Variants in ETFBKMT observed in about 807,000 individuals in gnomAD.
The protein encoded by ETFBKMT is electron transfer flavoprotein beta subunit lysine methyltransferase.
A neutral mutation model predicts 18.3 loss-of-function variants in ETFBKMT; 13 were observed. The observed-to-expected ratio is 0.71, with a 90% CI of 0.46 to 1.13. ETFBKMT has a LOEUF of 1.13. ETFBKMT is among the 50% of genes most tolerant of loss of function. ETFBKMT has a pLI of 0.00. For missense variants in ETFBKMT, 293 were observed against 306.2 expected, an observed-to-expected ratio of 0.96 and a Z score of 0.32; for synonymous variants, 84 against 107.9, an observed-to-expected ratio of 0.78 and a Z score of 1.37.
At chr12:31,653,036 T>G (rs1169374406) in intron 1 of ETFBKMT, among the ~76,000 whole-genome samples, 5 of 152,290 alleles carry the variant, frequency 3.3e-5, no homozygotes, top group South Asian at 2.1e-4. Flanking sequence ...CGGTGAAATC[T>G]CGTCTGTACT....
chr12:31,652,797 G>A (rs1323696621), intron 1 of ETFBKMT, among the ~76,000 whole-genome samples: 4 of 152,228 alleles, frequency 2.6e-5, no homozygotes, highest in African/African-American at 9.6e-5. Flanking sequence ...GTGTGCACGT[G>A]TGTGTGAGAG....
At chr12:31,647,420 C>T (rs1350237894) in intron 1 of ETFBKMT, among the ~76,000 whole-genome samples, 3 of 152,224 alleles carry the variant, frequency 2.0e-5, no homozygotes, top group Admixed American at 2.0e-4. Flanking sequence ...GTCATCCCAA[C>T]TCTACTGCCA....
chr12:31,656,693 C>T (rs901671284), upstream of ETFBKMT, among the ~76,000 whole-genome samples: 1 of 152,204 alleles, frequency 6.6e-6, no homozygotes, highest in Admixed American at 6.5e-5. Flanking sequence ...CCAATTCTTT[C>T]CATCCCTATC....
Position 31,667,903 on chromosome 12 carries a change from C to A in ETFBKMT, c.702C>A (p.His234Gln). 3.7e-6 allele frequency: 6 copies of A among 1,614,174 alleles called. No homozygotes were observed. Among genetic ancestry groups the A allele is most frequent in the Non-Finnish European group, 5.1e-6 (6 of 1,180,028 alleles). Residue 234 changes from histidine to glutamine, a missense_variant, in exon 4 of 4, where the codon CAC (histidine) becomes CAA (glutamine). By Grantham distance (24) the His-to-Gln change is conservative. Transcript: ENST00000357721. ...FSGHSIQHHLHKVVEYSLLES... is the reference protein window; with the variant it reads ...FSGHSIQHHLQKVVEYSLLES... ...GACACAGCATTCAGCATCACCTGCA[C>A]AAAGTGGTAGAATATTCACTTTTGG... is the stretch of plus-strand genomic sequence containing the variant.
At position 31,666,146 on chromosome 12, in the gene ETFBKMT, G is replaced by A; in HGVS notation, c.374G>A (p.Gly125Glu). Residue 125 changes from glycine to glutamate, a missense_variant, in exon 3 of 4, where the codon GGA becomes GAA. By Grantham distance (98) the Gly-to-Glu change is moderately conservative. Coordinates refer to ENST00000357721, the MANE Select transcript of ETFBKMT (RefSeq NM_001135863.2). ...RGKSVLDLGS[G>E]CGATAIAAKM... ...AAATCTGTATTAGATCTTGGGAGTG[G>A]ATGTGGAGCTACAGCTATTGCTGCT... is the stretch of plus-strand genomic sequence containing the variant. 6.2e-7 allele frequency: 1 copy of A among 1,613,982 alleles called. No homozygotes were observed. The highest frequency in any genetic ancestry group is 1.1e-5 in the South Asian group (1 of 91,082).
intron 1 of ETFBKMT, chr12:31,660,655 A>T (rs1354583865): frequency 6.6e-6 from 1 of 152,190 alleles, no homozygotes; most frequent in African/African-American, 2.4e-5. Context: ...TTAGGAGTTG[A>T]TGTTCTTTTA....
chr12:31,651,455 G>A (rs1951017579), intron 1 of ETFBKMT, among the ~76,000 whole-genome samples: 1 of 151,794 alleles, frequency 6.6e-6, no homozygotes, highest in Admixed American at 6.6e-5. Flanking sequence ...TCAGCCTCCC[G>A]AATAGCAGGG....
intron 1 of ETFBKMT, among the ~76,000 whole-genome samples, chr12:31,651,321 CT>C (rs1951016066): frequency 9.9e-6 from 1 of 101,150 alleles, no homozygotes; most frequent in East Asian, 3.2e-4. Flanking sequence ...TTTTTTTTTT[CT>C]TTTTTGAGAC....
Position 31,670,668 on chromosome 12 carries a change from A to C in ETFBKMT, c.*2678A>C. 6.6e-6 allele frequency: 1 copy of C among 151,672 alleles called. No individual in the cohort carries two copies. Among genetic ancestry groups the C allele is most frequent in the East Asian group, 1.9e-4 (1 of 5,146 alleles). The allele number at this position is 151,672 out of a possible 1,614,324, so 9.4% of individuals were successfully genotyped here. On this transcript the variant is annotated 3_prime_UTR_variant, in exon 4 of 4. Transcript: ENST00000357721. ...TATTTTGTATTTTTTGTAGACATGG[A>C]GTCTTGCTACATTGGCCAGGCTGGG...
upstream of ETFBKMT, among the ~76,000 whole-genome samples, chr12:31,655,559 A>G (rs1434785940): frequency 6.6e-6 from 1 of 152,204 alleles, no homozygotes; most frequent in African/African-American, 2.4e-5. Context: ...CAAAGATGAC[A>G]TCCATTATTC....
At position 31,668,236 on chromosome 12, in the gene ETFBKMT, A is replaced by G; in HGVS notation, c.*246A>G. ...TTTCTATTTTAACCGCTGAAGGAAT[A>G]TGATTATACAATGCCATACTCAATG... On this transcript the variant is annotated 3_prime_UTR_variant, in exon 4 of 4. Coordinates refer to ENST00000357721, the MANE Select transcript of ETFBKMT (RefSeq NM_001135863.2). 4.7e-6 allele frequency: 2 copies of G among 422,242 alleles called. No homozygotes were observed. The highest frequency in any genetic ancestry group is 8.0e-5 in the East Asian group (2 of 25,028). The allele number at this position is 422,242 out of a possible 1,614,324, so 26.2% of individuals were successfully genotyped here.
intron 1 of ETFBKMT, among the ~76,000 whole-genome samples, chr12:31,652,054 A>G (rs1040503680): frequency 1.3e-5 from 2 of 152,130 alleles, no homozygotes; most frequent in African/African-American, 4.8e-5. Context: ...GTCTATTTCC[A>G]TAATAAGATT....
intron 1 of ETFBKMT, among the ~76,000 whole-genome samples, chr12:31,648,424 C>A (rs574283212): frequency 6.7e-6 from 1 of 148,484 alleles, no homozygotes; most frequent in African/African-American, 2.5e-5. Flanking sequence ...TGCAATGGCA[C>A]CATCTCAGTT....
At chr12:31,648,725 C>T (rs948127196) in intron 1 of ETFBKMT, among the ~76,000 whole-genome samples, 1 of 152,068 alleles carries the variant, frequency 6.6e-6, no homozygotes, top group Non-Finnish European at 1.5e-5. Flanking sequence ...CCACGCCTGG[C>T]TAAGTTTTTG....
intron 1 of ETFBKMT, among the ~76,000 whole-genome samples, chr12:31,650,382 G>A (rs1032226857): frequency 6.6e-6 from 1 of 152,098 alleles, no homozygotes; most frequent in Admixed American, 6.6e-5. Context: ...TAATCCACCC[G>A]TTGTTTAGCA....
rs1467484121 is a variant in ETFBKMT at position 31,670,907 on chromosome 12, G to A, written c.*2917G>A. ...AACAAATGAAAACAGGCATCAGATGGTGATAGGTAGTAAGGAGAAAAAGAA... is the reference window on the plus strand; with the variant it reads ...AACAAATGAAAACAGGCATCAGATGATGATAGGTAGTAAGGAGAAAAAGAA... On this transcript the variant is annotated 3_prime_UTR_variant, in exon 4 of 4. Transcript: ENST00000357721. The A allele has an allele frequency of 6.6e-6, 1 of 152,180 alleles. No homozygotes were observed. The highest frequency in any genetic ancestry group is 1.5e-5 in the Non-Finnish European group (1 of 68,042). 9.4% of individuals were successfully genotyped at this position (152,180 alleles called of 1,614,324 possible).
rs1307674946 is a variant in ETFBKMT at position 31,668,114 on chromosome 12, T to A, written c.*124T>A. On this transcript the variant is annotated 3_prime_UTR_variant, in exon 4 of 4. Transcript: ENST00000357721. ...CTTGTTAAATGGAAAATCTTGTTTT[T>A]AAAATATGAAGGTTTAGAGTTTTGT... The A allele has an allele frequency of 1.2e-6, 1 of 819,600 alleles. No individual in the cohort carries two copies. Among genetic ancestry groups the A allele is most frequent in the African/African-American group, 1.7e-5 (1 of 57,866 alleles). 50.8% of individuals were successfully genotyped at this position (819,600 alleles called of 1,614,324 possible). A position where few individuals can be genotyped will look rare whatever the true frequency, so the allele number is the denominator to read the frequency against.
upstream of ETFBKMT, among the ~76,000 whole-genome samples, chr12:31,654,983 G>C (rs1173535785): frequency 6.6e-6 from 1 of 151,774 alleles, no homozygotes; most frequent in Admixed American, 6.6e-5. Flanking sequence ...TTGAACCCGG[G>C]AGGAGAAGGT....
At chr12:31,650,626 C>CTT (rs543201341) in intron 1 of ETFBKMT, among the ~76,000 whole-genome samples, 7 of 140,640 alleles carry the variant, frequency 5.0e-5, no homozygotes, top group East Asian at 2.2e-4. Flanking sequence ...AATGACCTGA[C>CTT]CTTTTTTTTT....
Sources: allele counts gnomAD v4.1 joint callset (sites outside exome capture counted in the v4.1 genomes callset), GRCh38; gene constraint gnomAD v4.1.1; transcripts MANE v1.5; gene names NCBI Gene and HGNC (gene_info 2026-07-23, HGNC 2026-07-21).